Variants in TTLL11 observed in about 807,000 individuals in gnomAD.
The protein encoded by TTLL11 is tubulin polyglutamylase TTLL11.
In TTLL11, 42 loss-of-function variants were observed where a neutral mutation model predicts 51.7. The observed-to-expected ratio is 0.81, with a 90% CI of 0.64 to 1.05. TTLL11 has a LOEUF of 1.05. Among genes scored for constraint, TTLL11 ranks in the 50% least tolerant of loss-of-function variants. The pLI, the probability that TTLL11 is intolerant of heterozygous loss-of-function variation, is 0.00. For synonymous variants in TTLL11, 381 were observed against 383.5 expected (o/e 0.99, Z 0.08); for missense variants, 799 against 940.4 (o/e 0.85, Z 1.97).
intron 6 of TTLL11, among the ~76,000 whole-genome samples, chr9:121,916,121 A>G (rs944954908): frequency 6.6e-6 from 1 of 152,148 alleles, no homozygotes; most frequent in African/African-American, 2.4e-5. Flanking sequence ...TTATAAAAAG[A>G]ATGAAAATGC....
intron 6 of TTLL11, among the ~76,000 whole-genome samples, chr9:121,939,457 C>T (rs1411363324): frequency 3.3e-5 from 5 of 151,942 alleles, no homozygotes; most frequent in African/African-American, 7.3e-5. Flanking sequence ...AAAAGGGACA[C>T]ATTAAATAGT....
chr9:121,822,875 C>T lies in TTLL11; in HGVS notation c.1845G>A (p.Met615Ile). Residue 615 changes from methionine to isoleucine, a missense_variant, in exon 9 of 9, where the codon ATG (methionine) becomes ATA (isoleucine). Around this residue, in one of 3 missense-constraint regions of TTLL11, gnomAD observed 165 missense variants for 166.1 expected, o/e 0.99. Transcript: ENST00000321582. This position sits in a 1 kb window ranked among gnomAD's most constrained non-coding sequence, Gnocchi z 5.8. ...AAGCTTCTACGAAGGCCTGCAGACA[C>T]ATCCCTGTGAACAAAGAGACTGGAT... is the stretch of plus-strand genomic sequence containing the variant. ...SMTLDQRDSG[M>I]CLQAFVEAFF... 6.5e-7 allele frequency: 1 copy of T among 1,548,988 alleles called. No homozygotes were observed. The highest frequency in any genetic ancestry group is 8.7e-7 in the Non-Finnish European group (1 of 1,145,752).
intron 3 of TTLL11, among the ~76,000 whole-genome samples, chr9:122,021,943 A>G (rs1793115894): frequency 6.6e-6 from 1 of 152,230 alleles, no homozygotes; most frequent in Admixed American, 6.5e-5. Flanking sequence ...AAAGTTAAGT[A>G]GAAATATGGA....
intron 8 of TTLL11, among the ~76,000 whole-genome samples, chr9:121,827,561 C>G (rs1433382228): frequency 6.6e-6 from 1 of 152,204 alleles, no homozygotes; most frequent in Non-Finnish European, 1.5e-5. Flanking sequence ...TGGGCTGTCT[C>G]CACTGACAGA....
At chr9:121,980,890 A>G (rs906224436) in intron 4 of TTLL11, among the ~76,000 whole-genome samples, 1 of 152,236 alleles carries the variant, frequency 6.6e-6, no homozygotes, top group Admixed American at 6.5e-5. Context: ...TCTGGCCAGA[A>G]CAGTTTCTGA....
At chr9:122,051,739 C>T (rs905954438) in intron 1 of TTLL11, among the ~76,000 whole-genome samples, 12 of 152,124 alleles carry the variant, frequency 7.9e-5, no homozygotes, top group African/African-American at 2.7e-4. Flanking sequence ...GTCAATGCCC[C>T]TAACCTCTCT....
chr9:121,907,431 C>G (rs1389408014), intron 6 of TTLL11, among the ~76,000 whole-genome samples: 2 of 142,606 alleles, frequency 1.4e-5, no homozygotes, highest in Non-Finnish European at 3.0e-5. Flanking sequence ...GCCTGGGAAA[C>G]AAGAGCAAAA....
intron 6 of TTLL11, among the ~76,000 whole-genome samples, chr9:121,967,204 C>T (rs978256217): frequency 1.5e-5 from 2 of 134,356 alleles, no homozygotes; most frequent in East Asian, 2.3e-4. Flanking sequence ...GATGCTTCAG[C>T]GGGAGATTTT....
chr9:121,893,217 C>A (rs1839324366), intron 6 of TTLL11, among the ~76,000 whole-genome samples: 1 of 151,944 alleles, frequency 6.6e-6, no homozygotes, highest in African/African-American at 2.4e-5. Flanking sequence ...GTTAAATATA[C>A]CAAAAAGCAG....
intron 1 of TTLL11, among the ~76,000 whole-genome samples, chr9:122,068,579 C>T (rs766640604): frequency 2.1e-4 from 32 of 152,016 alleles, no homozygotes; most frequent in Non-Finnish European, 4.3e-4. Context: ...CATCATTCAG[C>T]TGAGGAAACT....
At chr9:121,852,767 C>G (rs1837702133) in intron 8 of TTLL11, among the ~76,000 whole-genome samples, 1 of 152,206 alleles carries the variant, frequency 6.6e-6, no homozygotes, top group Admixed American at 6.5e-5. Context: ...TCTCTGCTGG[C>G]TCTCTTGCTT....
intron 6 of TTLL11, among the ~76,000 whole-genome samples, chr9:121,877,852 T>C (rs1040279419): frequency 2.0e-5 from 3 of 152,220 alleles, no homozygotes; most frequent in African/African-American, 7.2e-5. Flanking sequence ...TCCAGCATCC[T>C]TGTTTCTAAC....
At chr9:121,991,469 A>G (rs775735794) in intron 3 of TTLL11, among the ~76,000 whole-genome samples, 4 of 152,172 alleles carry the variant, frequency 2.6e-5, no homozygotes, top group Non-Finnish European at 4.4e-5. Context: ...TTAATATTCA[A>G]CCAAAGCATT....
intron 8 of TTLL11, among the ~76,000 whole-genome samples, chr9:121,858,968 G>A (rs1003557897): frequency 6.6e-6 from 1 of 152,202 alleles, no homozygotes. Flanking sequence ...CTTTTGGAGG[G>A]AGGCAGCCAG....
chr9:121,833,270 C>T (rs896039069), intron 8 of TTLL11, among the ~76,000 whole-genome samples: 11 of 152,094 alleles, frequency 7.2e-5, no homozygotes, highest in African/African-American at 2.4e-4. Context: ...CACCTGAGAC[C>T]GCCTCTTGGA....
At chr9:121,842,197 C>T (rs115908863) in intron 8 of TTLL11, among the ~76,000 whole-genome samples, 195 of 152,186 alleles carry the variant, frequency 1.3e-3, no homozygotes, top group African/African-American at 4.4e-3. Context: ...CTCAGAGTCC[C>T]TCACATGTAA....
intron 3 of TTLL11, among the ~76,000 whole-genome samples, chr9:122,018,459 T>C (rs1300042041): frequency 6.6e-6 from 1 of 152,154 alleles, no homozygotes; most frequent in Non-Finnish European, 1.5e-5. Flanking sequence ...GCTAATAAAG[T>C]GTTTCATCAT....
At chr9:122,037,007 G>T (rs899035299) in intron 2 of TTLL11, among the ~76,000 whole-genome samples, 1 of 152,198 alleles carries the variant, frequency 6.6e-6, no homozygotes, top group Admixed American at 6.5e-5. Context: ...TCTTTGGAAT[G>T]AATATCATTC....
intron 6 of TTLL11, among the ~76,000 whole-genome samples, chr9:121,948,817 C>T (rs1333343492): frequency 6.6e-6 from 1 of 152,158 alleles, no homozygotes; most frequent in African/African-American, 2.4e-5. Context: ...GGTCAGTAAA[C>T]TGCTGTTTTC....
Sources: gnomAD v4.1 joint callset for allele counts (sites outside exome capture counted in the v4.1 genomes callset) on GRCh38, gnomAD v4.1.1 for gene constraint, gnomAD v4.1.1 regional missense constraint, Gnocchi (gnomAD v3.1) non-coding constraint, MANE v1.5 for transcripts, NCBI Gene and HGNC (gene_info 2026-07-23, HGNC 2026-07-21) for gene names.